Variants in RANBP17 observed in about 807,000 individuals in gnomAD.
The protein encoded by RANBP17 is ran-binding protein 17.
RANBP17 carries 158 observed loss-of-function variants against 141.2 expected under a neutral mutation model. That is an observed-to-expected ratio of 1.12 (90% CI 0.98 to 1.28). RANBP17 has a LOEUF of 1.28. Among genes scored for constraint, RANBP17 ranks in the 50% most tolerant of loss-of-function variants. The probability of loss-of-function intolerance (pLI) is 0.00; values close to 1 mark genes in which losing one functional copy is unlikely to be tolerated. For synonymous variants in RANBP17, 430 were observed against 450.0 expected, an observed-to-expected ratio of 0.96 and a Z score of 0.56; for missense variants, 1,438 against 1,290.7, an observed-to-expected ratio of 1.11 and a Z score of -1.75.
intron 14 of RANBP17, among the ~76,000 whole-genome samples, chr5:171,157,874 C>T (rs543630633): frequency 3.3e-5 from 5 of 152,194 alleles, no homozygotes; most frequent in Non-Finnish European, 7.3e-5. Context: ...GGTTGGGAAC[C>T]TTTGACAGAT....
At chr5:171,004,225 C>T (rs577159101) in intron 14 of RANBP17, among the ~76,000 whole-genome samples, 2 of 152,020 alleles carry the variant, frequency 1.3e-5, no homozygotes, top group South Asian at 2.1e-4. Context: ...GGAGATGTCC[C>T]ATACTTGCGG....
In RANBP17 at chr5:171,229,609, G is replaced by T. The variant is rs544923502; in HGVS notation, c.2422+7769G>T. 2.0e-5 allele frequency among the ~76,000 whole-genome samples: 3 copies of T among 151,238 alleles called. No individual in the cohort carries two copies. In the East Asian group the frequency reaches 6.0e-4, roughly 30 times the overall value. On this transcript the variant is annotated intron_variant, in intron 22 of 27. Coordinates refer to ENST00000523189, the MANE Select transcript of RANBP17 (RefSeq NM_022897.5). ...GGGGTTTCACCATGTTGGCCAGGCT[G>T]GTCTCAAACTCCTGACCTCAAGTGA...
At chr5:170,900,537 T>C (rs1490127387) in intron 5 of RANBP17, among the ~76,000 whole-genome samples, 4 of 152,162 alleles carry the variant, frequency 2.6e-5, no homozygotes, top group East Asian at 3.9e-4. Context: ...ATCATAGTTA[T>C]TTCTTGTCTT....
chr5:171,295,655 A>G (rs1217015693), intron 26 of RANBP17, among the ~76,000 whole-genome samples: 2 of 152,192 alleles, frequency 1.3e-5, no homozygotes, highest in Non-Finnish European at 2.9e-5. Flanking sequence ...CAGTGACACT[A>G]GAACAATTAC....
chr5:171,019,757 T>A (rs974846601), intron 14 of RANBP17, among the ~76,000 whole-genome samples: 3 of 152,022 alleles, frequency 2.0e-5, no homozygotes, highest in Non-Finnish European at 4.4e-5. Flanking sequence ...TGTCTTGATC[T>A]CCTTAAGTTC....
At chr5:170,929,364 G>T (rs554860503) in intron 12 of RANBP17, among the ~76,000 whole-genome samples, 31 of 152,184 alleles carry the variant, frequency 2.0e-4, no homozygotes, top group Admixed American at 1.7e-3. Context: ...TTATCTGTAC[G>T]CTGTTTGAAG....
intron 14 of RANBP17, among the ~76,000 whole-genome samples, chr5:170,991,875 A>G (rs1266672641): frequency 6.6e-6 from 1 of 152,032 alleles, no homozygotes; most frequent in Non-Finnish European, 1.5e-5. Flanking sequence ...CTTTGAAAGA[A>G]TTATGTGTAA....
At chr5:170,880,469 C>A (rs145982319) in intron 2 of RANBP17, among the ~76,000 whole-genome samples, 1 of 152,246 alleles carries the variant, frequency 6.6e-6, no homozygotes, top group East Asian at 1.9e-4. Context: ...AACTCATCAT[C>A]GGTAAATGGC....
At chr5:171,062,487 C>T (rs1450737229) in intron 14 of RANBP17, among the ~76,000 whole-genome samples, 3 of 152,052 alleles carry the variant, frequency 2.0e-5, no homozygotes, top group Admixed American at 2.0e-4. Flanking sequence ...GAATATTGGC[C>T]CCCACTCTCT....
intron 26 of RANBP17, among the ~76,000 whole-genome samples, chr5:171,294,330 A>ATATC (rs1446843749): frequency 1.3e-5 from 2 of 151,996 alleles, no homozygotes; most frequent in African/African-American, 4.8e-5. Context: ...GCCACCCTTT[A>ATATC]TATCTGAGAT....
chr5:170,884,203 A>G (rs1253116894), intron 3 of RANBP17, among the ~76,000 whole-genome samples: 1 of 152,170 alleles, frequency 6.6e-6, no homozygotes, highest in Non-Finnish European at 1.5e-5. Context: ...TATGATATAC[A>G]GCACCTTTTT....
At chr5:170,930,916 G>T (rs1162498589) in intron 12 of RANBP17, among the ~76,000 whole-genome samples, 1 of 152,132 alleles carries the variant, frequency 6.6e-6, no homozygotes, top group Non-Finnish European at 1.5e-5. Flanking sequence ...AATCATTTGG[G>T]TATATGCCCA....
chr5:171,102,065 G>A (rs573902885), intron 14 of RANBP17, among the ~76,000 whole-genome samples: 1 of 152,260 alleles, frequency 6.6e-6, no homozygotes, highest in South Asian at 2.1e-4. Context: ...TGATGATTAT[G>A]TGTCTTGGGG....
At chr5:171,206,022 C>T in intron 20 of RANBP17, 1 of 326,108 alleles carries the variant, frequency 3.1e-6, no homozygotes, top group Non-Finnish European at 6.0e-6. Context: ...CCCATCATGC[C>T]ACAGTTTTTC....
chr5:171,249,393 C>T (rs373311906), intron 24 of RANBP17, among the ~76,000 whole-genome samples: 25 of 152,086 alleles, frequency 1.6e-4, no homozygotes, highest in African/African-American at 4.8e-4. Flanking sequence ...TGACACCTCC[C>T]AAGGAACACA....
At chr5:171,104,888 T>C (rs900441895) in intron 14 of RANBP17, among the ~76,000 whole-genome samples, 2 of 152,186 alleles carry the variant, frequency 1.3e-5, no homozygotes, top group Admixed American at 6.5e-5. Context: ...AATATTATTA[T>C]CAACTTTGAA....
chr5:171,021,804 G>A (rs1310739691), intron 14 of RANBP17, among the ~76,000 whole-genome samples: 1 of 152,148 alleles, frequency 6.6e-6, no homozygotes, highest in Non-Finnish European at 1.5e-5. Context: ...ATCCAGTTCT[G>A]CACCCTTGCT....
At chr5:171,264,415 T>G (rs1766533417) in intron 24 of RANBP17, among the ~76,000 whole-genome samples, 1 of 152,138 alleles carries the variant, frequency 6.6e-6, no homozygotes, top group Admixed American at 6.5e-5. Context: ...CAATAAAATT[T>G]TCAAAAAGAG....
chr5:171,165,498 T>G (rs535361087), intron 14 of RANBP17, among the ~76,000 whole-genome samples: 5 of 152,180 alleles, frequency 3.3e-5, no homozygotes, highest in African/African-American at 1.2e-4. Context: ...ATTATTATTA[T>G]TATTACTATT....
Sources: gnomAD v4.1 joint callset for allele counts (sites outside exome capture counted in the v4.1 genomes callset) on GRCh38, gnomAD v4.1.1 for gene constraint, MANE v1.5 for transcripts, NCBI Gene and HGNC (gene_info 2026-07-23, HGNC 2026-07-21) for gene names.